NFIB: variants seen among roughly 807,000 people sequenced by gnomAD.
NFIB encodes nuclear factor 1 B-type.
In NFIB, 11 loss-of-function variants were observed where a neutral mutation model predicts 61.5. That is an observed-to-expected ratio of 0.18 (90% confidence interval 0.11 to 0.30). The LOEUF (loss-of-function observed/expected upper bound fraction) is 0.30. NFIB is among the 10% of genes least tolerant of loss of function. The pLI is 1.00. For synonymous variants in NFIB, 260 were observed against 216.5 expected (o/e 1.20, Z -1.76); for missense variants, 471 against 608.9 (o/e 0.77, Z 2.38).
intron 3 of NFIB, among the ~76,000 whole-genome samples, chr9:14,175,162 A>ATTTTT: frequency 1.5e-5 from 1 of 66,850 alleles, no homozygotes; most frequent in Admixed American, 1.8e-4. Flanking sequence ...TGACTTAAAG[A>ATTTTT]ATTTCTTTTT....
rs946088923 is a variant in NFIB, at chr9:14,083,929, C to G, written c.*4380G>C. ...CTTAAATACCATCACGTAACAATCA[C>G]AAAAACTTTTGCTAAAGGCCGTATA... is the stretch of plus-strand genomic sequence containing the variant. On this transcript the variant is annotated 3_prime_UTR_variant, in exon 11 of 11. Transcript: ENST00000380953. 2 of 222,712 alleles carry G rather than the reference C, an allele frequency of 9.0e-6. No individual in the cohort carries two copies. Among genetic ancestry groups the G allele is most frequent in the Admixed American group, 5.8e-5 (1 of 17,382 alleles). 13.8% of individuals were successfully genotyped at this position (222,712 alleles called of 1,614,324 possible).
chr9:14,128,876 CA>C (rs2040042559), intron 6 of NFIB, among the ~76,000 whole-genome samples: 1 of 151,944 alleles, frequency 6.6e-6, no homozygotes. Context: ...GCACATAAAT[CA>C]AGGGTGTTTA....
chr9:14,160,087 T>C lies in NFIB; in HGVS notation c.617-4194A>G, dbSNP rs563856495. Reference sequence around the variant, plus strand: ...GAAGAAAAGAACAACTCTGCATTTGTGTGATGCTGTATTTACACTACATGT... The same window carrying C: ...GAAGAAAAGAACAACTCTGCATTTGCGTGATGCTGTATTTACACTACATGT... On this transcript the variant is annotated intron_variant, in intron 3 of 10. Coordinates refer to ENST00000380953, the MANE Select transcript of NFIB (RefSeq NM_001190737.2). Among the ~76,000 whole-genome samples, 67 of 152,334 alleles carry C rather than the reference T, an allele frequency of 4.4e-4. 1 individual carries two copies. The South Asian group carries it at 0.013, about 31-fold the overall frequency.
At chr9:14,275,344 G>A (rs1257672104) in intron 2 of NFIB, among the ~76,000 whole-genome samples, 2 of 152,050 alleles carry the variant, frequency 1.3e-5, no homozygotes, top group Non-Finnish European at 2.9e-5. Context: ...TACTCTAATC[G>A]TTGAACACAC....
chr9:14,112,122 G>A (rs1400469674), intron 10 of NFIB, among the ~76,000 whole-genome samples: 1 of 152,180 alleles, frequency 6.6e-6, no homozygotes, highest in African/African-American at 2.4e-5. Flanking sequence ...ATTTATTATA[G>A]CCTAATTTTC....
the NFIB span, among the ~76,000 whole-genome samples, chr9:14,472,432 T>C: frequency 6.6e-6 from 1 of 152,260 alleles, no homozygotes; most frequent in Non-Finnish European, 1.5e-5. Flanking sequence ...AAGGCAATTG[T>C]ACAGTGATTT....
At chr9:14,531,757 A>G in the NFIB span, among the ~76,000 whole-genome samples, 2 of 152,020 alleles carry the variant, frequency 1.3e-5, no homozygotes, top group Non-Finnish European at 2.9e-5. Context: ...CCCCGGCCAC[A>G]ATAGCAGGGA....
intron 6 of NFIB, among the ~76,000 whole-genome samples, chr9:14,145,161 T>G (rs539102116): frequency 2.6e-5 from 4 of 152,184 alleles, no homozygotes; most frequent in Admixed American, 1.3e-4. Flanking sequence ...ACTCTCCAGT[T>G]GAGTTTCATA....
the NFIB span, among the ~76,000 whole-genome samples, chr9:14,508,116 C>T: frequency 6.6e-6 from 1 of 150,916 alleles, no homozygotes; most frequent in Non-Finnish European, 1.5e-5. Context: ...TGTTAATATT[C>T]ATATTATATA....
the NFIB span, among the ~76,000 whole-genome samples, chr9:14,416,092 C>T: frequency 6.6e-6 from 1 of 152,080 alleles, no homozygotes; most frequent in African/African-American, 2.4e-5. Flanking sequence ...GTCTAAACAG[C>T]AATGGTGAGT....
At chr9:14,199,891 G>C (rs1262794149) in intron 2 of NFIB, among the ~76,000 whole-genome samples, 4 of 152,104 alleles carry the variant, frequency 2.6e-5, no homozygotes, top group Non-Finnish European at 5.9e-5. Flanking sequence ...AATCATATTT[G>C]CTAAGGTATT....
chr9:14,527,308 T>C, the NFIB span, among the ~76,000 whole-genome samples: 1 of 152,330 alleles, frequency 6.6e-6, no homozygotes, highest in East Asian at 1.9e-4. Context: ...GTTGTTGTTG[T>C]TTTACTCAGA....
At chr9:14,301,546 G>A (rs890245843) in intron 2 of NFIB, among the ~76,000 whole-genome samples, 7 of 152,098 alleles carry the variant, frequency 4.6e-5, no homozygotes, top group Non-Finnish European at 1.0e-4. Context: ...CATAATTGAT[G>A]TAACAAATAA....
chr9:14,405,065 A>G, the NFIB span, among the ~76,000 whole-genome samples: 1 of 152,140 alleles, frequency 6.6e-6, no homozygotes, highest in East Asian at 1.9e-4. Context: ...AGTTCTGGCT[A>G]ATAGTTTGTG....
intron 8 of NFIB, among the ~76,000 whole-genome samples, chr9:14,118,293 T>A (rs933098003): frequency 6.6e-6 from 1 of 152,100 alleles, no homozygotes; most frequent in Non-Finnish European, 1.5e-5. Context: ...CTACATACAG[T>A]GTTCACCAAA....
intron 10 of NFIB, among the ~76,000 whole-genome samples, chr9:14,106,774 T>C (rs2036616581): frequency 6.6e-6 from 1 of 152,078 alleles, no homozygotes; most frequent in South Asian, 2.1e-4. Flanking sequence ...TCCTTTGTTA[T>C]TAACAGGGTC....
the NFIB span, among the ~76,000 whole-genome samples, chr9:14,461,119 C>T: frequency 6.6e-6 from 1 of 152,146 alleles, no homozygotes; most frequent in Non-Finnish European, 1.5e-5. Context: ...CATAGCATCC[C>T]ACACTGTTCT....
intron 2 of NFIB, among the ~76,000 whole-genome samples, chr9:14,295,637 C>CA (rs777950926): frequency 1.3e-5 from 2 of 150,364 alleles, no homozygotes; most frequent in Non-Finnish European, 3.0e-5. Context: ...TCTCAAAAAA[C>CA]AAACAAACAA....
chr9:14,392,288 G>A lies in NFIB; in HGVS notation c.108+6236C>T, dbSNP rs558178514. Among the ~76,000 whole-genome samples the A allele has an allele frequency of 9.2e-5, 14 of 152,350 alleles. 1 individual carries two copies. The South Asian group carries it at 2.9e-3, about 32-fold the overall frequency. ...TATAGATGGACTTCAGGTGATCATT[G>A]TCTATCAACATTGGTTTCTGAATTG... is the stretch of plus-strand genomic sequence containing the variant. On this transcript the variant is annotated intron_variant, in intron 1 of 8. Coordinates refer to the NFIB transcript ENST00000380934.
Sources: gnomAD v4.1 joint callset for allele counts (sites outside exome capture counted in the v4.1 genomes callset) on GRCh38, gnomAD v4.1.1 for gene constraint, MANE v1.5 for transcripts, NCBI Gene and HGNC (gene_info 2026-07-23, HGNC 2026-07-21) for gene names.